Variants in ARHGAP24 observed in about 807,000 individuals in gnomAD.
The protein encoded by ARHGAP24 is Rho GTPase activating protein 24.
A neutral mutation model predicts 76.4 loss-of-function variants in ARHGAP24; 50 were observed. That is an observed-to-expected ratio of 0.65 (90% CI 0.52 to 0.83). The LOEUF (loss-of-function observed/expected upper bound fraction) is 0.83. Among genes scored for constraint, ARHGAP24 ranks in the 40% least tolerant of loss-of-function variants. The pLI, the probability that ARHGAP24 is intolerant of heterozygous loss-of-function variation, is 0.00. For synonymous variants in ARHGAP24, 345 were observed against 323.3 expected (o/e 1.07, Z -0.72); for missense variants, 930 against 914.2 (o/e 1.02, Z -0.22).
chr4:85,620,296 A>C (rs1490045914), intron 2 of ARHGAP24, among the ~76,000 whole-genome samples: 1 of 151,876 alleles, frequency 6.6e-6, no homozygotes, highest in African/African-American at 2.4e-5. Context: ...GATTTTCTTT[A>C]ATGGAAGAAT....
At chr4:85,962,050 A>G (rs1482482639) in intron 5 of ARHGAP24, among the ~76,000 whole-genome samples, 1 of 152,132 alleles carries the variant, frequency 6.6e-6, no homozygotes, top group Admixed American at 6.6e-5. Context: ...TATTTTTGCT[A>G]TGTCAGTTCA....
chr4:85,757,852 A>G (rs980755461), intron 3 of ARHGAP24, among the ~76,000 whole-genome samples: 18 of 152,124 alleles, frequency 1.2e-4, no homozygotes, highest in African/African-American at 4.3e-4. Flanking sequence ...AAGTGCTCCT[A>G]TTTCTCCACA....
At chr4:85,783,658 T>C (rs1275022225) in intron 3 of ARHGAP24, among the ~76,000 whole-genome samples, 1 of 152,082 alleles carries the variant, frequency 6.6e-6, no homozygotes. Context: ...TGTACCCCAT[T>C]CTCTGAAAAT....
At chr4:85,746,216 G>A (rs1433907371) in intron 3 of ARHGAP24, among the ~76,000 whole-genome samples, 2 of 152,186 alleles carry the variant, frequency 1.3e-5, no homozygotes, top group Non-Finnish European at 2.9e-5. Context: ...GCGATATGAT[G>A]CCCAGTTTCC....
At chr4:85,699,942 GA>G (rs1205540010) in intron 2 of ARHGAP24, among the ~76,000 whole-genome samples, 1 of 152,038 alleles carries the variant, frequency 6.6e-6, no homozygotes, top group Non-Finnish European at 1.5e-5. Flanking sequence ...GTTATCTATA[GA>G]AAAATATTAC....
chr4:85,505,737 A>G (rs936047126), intron 1 of ARHGAP24, among the ~76,000 whole-genome samples: 12 of 152,092 alleles, frequency 7.9e-5, no homozygotes, highest in African/African-American at 2.4e-4. Flanking sequence ...CAACTCGTCA[A>G]AGTCATTCTC....
intron 3 of ARHGAP24, among the ~76,000 whole-genome samples, chr4:85,872,375 C>A (rs1487822566): frequency 1.3e-5 from 2 of 151,896 alleles, no homozygotes; most frequent in East Asian, 3.9e-4. Flanking sequence ...TGGCTCACTG[C>A]AACCTCTGTC....
chr4:85,525,255 G>T (rs73832785), intron 1 of ARHGAP24, among the ~76,000 whole-genome samples: 1 of 133,928 alleles, frequency 7.5e-6, no homozygotes, highest in East Asian at 2.7e-4. Context: ...ATGTATTATC[G>T]GCTTTTTTTT....
At chr4:85,888,821 C>T (rs1469835051) in intron 3 of ARHGAP24, among the ~76,000 whole-genome samples, 2 of 152,172 alleles carry the variant, frequency 1.3e-5, no homozygotes, top group Admixed American at 6.5e-5. Context: ...TTCCACTCTA[C>T]GTGTCCATGT....
Position 86,000,745 on chromosome 4 carries a change from T to C in ARHGAP24, c.*23T>C. The C allele has an allele frequency of 6.2e-7, 1 of 1,613,348 alleles. No homozygotes were observed. Among genetic ancestry groups the C allele is most frequent in the East Asian group, 2.2e-5 (1 of 44,830 alleles). ...TGAGCCTGCTTTCGCCTGCTGTCTC[T>C]GATGGCTCTGGCAAGGACTCCAGGG... is the stretch of plus-strand genomic sequence containing the variant. On this transcript the variant is annotated 3_prime_UTR_variant, in exon 10 of 10. Coordinates refer to ENST00000395184, the MANE Select transcript of ARHGAP24 (RefSeq NM_001025616.3).
At chr4:85,906,741 A>G (rs1051588439) in intron 3 of ARHGAP24, among the ~76,000 whole-genome samples, 4 of 152,182 alleles carry the variant, frequency 2.6e-5, no homozygotes, top group African/African-American at 9.6e-5. Flanking sequence ...AAGTTTGGGC[A>G]GTGTAGTTAT....
In ARHGAP24 at chr4:85,652,314, G is replaced by A. The variant is rs1033010698; in HGVS notation, c.181-69571G>A. On this transcript the variant is annotated intron_variant, in intron 2 of 9. Coordinates refer to ENST00000395184, the MANE Select transcript of ARHGAP24 (RefSeq NM_001025616.3). ...AGTGATTAGGAATATTTCTACTACCGTATTGTCTCACAATATTACTTTACT... is the reference window on the plus strand; with the variant it reads ...AGTGATTAGGAATATTTCTACTACCATATTGTCTCACAATATTACTTTACT... Among the ~76,000 whole-genome samples the A allele has an allele frequency of 9.2e-5, 14 of 152,186 alleles. 1 individual carries two copies. The Middle Eastern group carries it at 0.02, about 222-fold the overall frequency.
At chr4:85,792,534 T>G (rs1346514098) in intron 3 of ARHGAP24, among the ~76,000 whole-genome samples, 1 of 152,190 alleles carries the variant, frequency 6.6e-6, no homozygotes, top group Non-Finnish European at 1.5e-5. Flanking sequence ...TTTCATTTCT[T>G]GCATTTGTCC....
rs983080270 is a variant in ARHGAP24 at position 85,475,399 on chromosome 4, G to C, written c.-181G>C. On this transcript the variant is annotated 5_prime_UTR_variant, in exon 1 of 10. Transcript: ENST00000395184. ...TATTTCCTCCGAAACCCGCGCTGCGGAGCAGCCCAGTGCATAGAGTTCAAC... is the reference window on the plus strand; with the variant it reads ...TATTTCCTCCGAAACCCGCGCTGCGCAGCAGCCCAGTGCATAGAGTTCAAC... 1 of 152,750 alleles carries C rather than the reference G, an allele frequency of 6.5e-6. No homozygotes were observed. Among genetic ancestry groups the C allele is most frequent in the East Asian group, 1.9e-4 (1 of 5,190 alleles). 9.5% of individuals were successfully genotyped at this position (152,750 alleles called of 1,614,324 possible).
intron 3 of ARHGAP24, among the ~76,000 whole-genome samples, chr4:85,756,106 A>G (rs1360618309): frequency 6.6e-6 from 1 of 152,216 alleles, no homozygotes; most frequent in East Asian, 1.9e-4. Context: ...TTATGTATCA[A>G]TGTATGTATT....
At chr4:85,632,972 AT>A (rs201431584) in intron 2 of ARHGAP24, among the ~76,000 whole-genome samples, 2 of 150,704 alleles carry the variant, frequency 1.3e-5, no homozygotes, top group Admixed American at 6.6e-5. Context: ...AATGGGTAAC[AT>A]TTTTTTTTCT....
chr4:85,981,592 C>T (rs889139221), intron 8 of ARHGAP24, among the ~76,000 whole-genome samples: 1 of 152,086 alleles, frequency 6.6e-6, no homozygotes, highest in Non-Finnish European at 1.5e-5. Context: ...CCCATCATAT[C>T]AAAAAATATG....
intron 1 of ARHGAP24, among the ~76,000 whole-genome samples, chr4:85,562,345 T>C (rs1302196104): frequency 6.6e-6 from 1 of 152,222 alleles, no homozygotes; most frequent in East Asian, 1.9e-4. Flanking sequence ...ATTTGCACTG[T>C]GTCTTCTACA....
chr4:85,897,405 T>G (rs1384942026), intron 3 of ARHGAP24, among the ~76,000 whole-genome samples: 1 of 152,226 alleles, frequency 6.6e-6, no homozygotes, highest in Non-Finnish European at 1.5e-5. Context: ...TCATATGTGA[T>G]CCCAAAAGAT....
Sources: allele counts gnomAD v4.1 joint callset (sites outside exome capture counted in the v4.1 genomes callset), GRCh38; gene constraint gnomAD v4.1.1; transcripts MANE v1.5; gene names NCBI Gene and HGNC (gene_info 2026-07-23, HGNC 2026-07-21).